The following ZBTB20 variants were observed in gnomAD, a reference collection of about 807,000 sequenced individuals.
ZBTB20 encodes the protein zinc finger and BTB domain containing 20, also known as zinc finger and BTB domain-containing protein 20.
In ZBTB20, 9 loss-of-function variants were observed where a neutral mutation model predicts 56.9. That is an observed-to-expected ratio of 0.16 (90% CI 0.10 to 0.28). The LOEUF (loss-of-function observed/expected upper bound fraction) is 0.28. Among genes scored for constraint, ZBTB20 ranks in the 10% least tolerant of loss-of-function variants. The pLI is 1.00. For synonymous variants in ZBTB20, 417 were observed against 420.7 expected (o/e 0.99, Z 0.11); for missense variants, 655 against 1,003.0 (o/e 0.65, Z 4.69).
intron 4 of ZBTB20, among the ~76,000 whole-genome samples, chr3:114,826,222 CT>C (rs1289188374): frequency 6.6e-6 from 1 of 151,642 alleles, no homozygotes; most frequent in African/African-American, 2.4e-5. Flanking sequence ...GAATCATACA[CT>C]TTTGACCTAA....
chr3:115,087,566 A>G (rs1329731011), intron 1 of ZBTB20, among the ~76,000 whole-genome samples: 1 of 151,902 alleles, frequency 6.6e-6, no homozygotes, highest in East Asian at 1.9e-4. Flanking sequence ...ATATTAGGAG[A>G]GCATCTTTAT....
chr3:114,864,917 G>C (rs1451479148), intron 4 of ZBTB20, among the ~76,000 whole-genome samples: 1 of 144,772 alleles, frequency 6.9e-6, no homozygotes, highest in Non-Finnish European at 1.5e-5. Flanking sequence ...CCCCTTTACG[G>C]CTGCCCTTAA....
chr3:114,872,674 T>C (rs960273768), intron 4 of ZBTB20, among the ~76,000 whole-genome samples: 5 of 151,988 alleles, frequency 3.3e-5, no homozygotes, highest in Admixed American at 2.0e-4. Flanking sequence ...GGAGTATTTA[T>C]TAAATACTCA....
chr3:114,503,484 C>A (rs758031826), intron 6 of ZBTB20, among the ~76,000 whole-genome samples: 2 of 152,116 alleles, frequency 1.3e-5, no homozygotes, highest in Non-Finnish European at 1.5e-5. Context: ...TATATTTGCT[C>A]AATTCAAATT....
At chr3:114,768,525 C>T (rs2068944271) in intron 5 of ZBTB20, among the ~76,000 whole-genome samples, 1 of 151,994 alleles carries the variant, frequency 6.6e-6, no homozygotes, top group Non-Finnish European at 1.5e-5. Flanking sequence ...TACAAGGAGA[C>T]TCTGCAACAG....
chr3:114,964,834 C>G (rs1276635358), intron 3 of ZBTB20, among the ~76,000 whole-genome samples: 3 of 152,124 alleles, frequency 2.0e-5, no homozygotes, highest in Non-Finnish European at 4.4e-5. Flanking sequence ...AGAGATAACA[C>G]TACTAAACAA....
At chr3:114,986,903 T>C (rs1429077310) in intron 2 of ZBTB20, among the ~76,000 whole-genome samples, 1 of 152,148 alleles carries the variant, frequency 6.6e-6, no homozygotes, top group Non-Finnish European at 1.5e-5. Context: ...CTACTGCCAA[T>C]CAGCTTTCAT....
intron 4 of ZBTB20, among the ~76,000 whole-genome samples, chr3:114,887,180 C>T (rs1234986502): frequency 6.6e-6 from 1 of 152,180 alleles, no homozygotes; most frequent in African/African-American, 2.4e-5. Flanking sequence ...CATGGGCCCT[C>T]ATGACCCACC....
At chr3:114,380,980 T>C (rs139350805) in intron 8 of ZBTB20, 40 bp from the exon 9 acceptor site, 1 of 385,860 alleles carries the variant, frequency 2.6e-6, no homozygotes, top group South Asian at 9.9e-5. Flanking sequence ...CCTTAAAGGT[T>C]CCTTCCAACT....
chr3:114,915,937 C>T (rs897092563), intron 3 of ZBTB20, among the ~76,000 whole-genome samples: 2 of 151,828 alleles, frequency 1.3e-5, no homozygotes, highest in Non-Finnish European at 2.9e-5. Context: ...GATATTATTT[C>T]AAATTTTTGA....
At chr3:114,515,855 A>G (rs2045925949) in intron 6 of ZBTB20, among the ~76,000 whole-genome samples, 1 of 152,190 alleles carries the variant, frequency 6.6e-6, no homozygotes, top group African/African-American at 2.4e-5. Context: ...GGTAACAACA[A>G]TAACAATGAT....
intron 6 of ZBTB20, among the ~76,000 whole-genome samples, chr3:114,590,999 C>T (rs546128925): frequency 6.6e-6 from 1 of 152,304 alleles, no homozygotes; most frequent in East Asian, 1.9e-4. Context: ...TATCAGACCT[C>T]AGTGAAGAAA....
chr3:115,128,339 A>G (rs2084394683), intron 1 of ZBTB20, among the ~76,000 whole-genome samples: 1 of 152,152 alleles, frequency 6.6e-6, no homozygotes, highest in African/African-American at 2.4e-5. Flanking sequence ...TGTTTCTACT[A>G]GCCTTGCCTA....
rs899531723 is a variant in ZBTB20, at chr3:114,676,258, A to C, written c.-295+17270T>G. ...ATTTAGAATAACACAGTAGTTAAAA[A>C]CTTAGGCTCTGGAGTCTAATATGAG... On this transcript the variant is annotated intron_variant, in intron 6 of 11. Coordinates refer to ENST00000675478, the MANE Select transcript of ZBTB20 (RefSeq NM_001348800.3). Among the ~76,000 whole-genome samples the C allele has an allele frequency of 5.3e-5, 8 of 152,284 alleles. No individual in the cohort carries two copies. The South Asian group carries it at 1.7e-3, about 32-fold the overall frequency.
At chr3:114,457,005 T>C (rs1441642638) in intron 7 of ZBTB20, among the ~76,000 whole-genome samples, 1 of 152,244 alleles carries the variant, frequency 6.6e-6, no homozygotes, top group African/African-American at 2.4e-5. Context: ...TAACAATGGC[T>C]GCTATGCCAT....
chr3:114,883,987 A>G (rs62264995), intron 4 of ZBTB20, among the ~76,000 whole-genome samples: 12 of 4,360 alleles, frequency 2.8e-3, no homozygotes, highest in Non-Finnish European at 0.026. Flanking sequence ...GTGCAGTGGC[A>G]GGATCTCGGC....
intron 4 of ZBTB20, among the ~76,000 whole-genome samples, chr3:114,853,406 T>C (rs2075096982): frequency 6.6e-6 from 1 of 152,248 alleles, no homozygotes; most frequent in Admixed American, 6.5e-5. Flanking sequence ...AAAAGGCTTT[T>C]TTATATGCAT....
chr3:114,533,158 G>A (rs1380345371), intron 6 of ZBTB20, among the ~76,000 whole-genome samples: 4 of 152,198 alleles, frequency 2.6e-5, no homozygotes. Context: ...ATTGACAGAA[G>A]TAGGCTTCAG....
intron 7 of ZBTB20, among the ~76,000 whole-genome samples, chr3:114,415,858 T>A (rs553000641): frequency 2.0e-5 from 3 of 152,196 alleles, no homozygotes; most frequent in Non-Finnish European, 4.4e-5. Context: ...TTCAGACTCT[T>A]TGAATCACCT....
Sources: allele counts gnomAD v4.1 joint callset (sites outside exome capture counted in the v4.1 genomes callset), GRCh38; gene constraint gnomAD v4.1.1; transcripts MANE v1.5; gene names NCBI Gene and HGNC (gene_info 2026-07-23, HGNC 2026-07-21).